TMTC2: variants seen among roughly 807,000 people sequenced by gnomAD.
The protein encoded by TMTC2 is transmembrane O-mannosyltransferase targeting cadherins 2, also known as protein O-mannosyl-transferase TMTC2.
Under a neutral mutation model 82.4 loss-of-function variants are expected in TMTC2, and 43 were observed. The observed-to-expected ratio is 0.52, with a 90% CI of 0.41 to 0.67. The LOEUF (loss-of-function observed/expected upper bound fraction) is 0.67. Among genes scored for constraint, TMTC2 ranks in the 30% least tolerant of loss-of-function variants. TMTC2 has a pLI of 0.00. For missense variants in TMTC2, 919 were observed against 1,012.4 expected (o/e 0.91, Z 1.25); for synonymous variants, 408 against 381.9 (o/e 1.07, Z -0.80).
intron 1 of TMTC2, among the ~76,000 whole-genome samples, chr12:82,729,581 G>C (rs1343661056): frequency 6.6e-6 from 1 of 152,132 alleles, no homozygotes; most frequent in Non-Finnish European, 1.5e-5. Context: ...GAGAACTTTT[G>C]TGTCTAGCGC....
Position 83,030,894 on chromosome 12 carries a change from GT to G in TMTC2, c.2152+23del, listed in dbSNP as rs776842511. 30 of 1,592,724 alleles carry G rather than the reference GT, an allele frequency of 1.9e-5. No individual in the cohort carries two copies. The highest frequency in any genetic ancestry group is 2.2e-5 in the Non-Finnish European group (25 of 1,161,216). Reference sequence around the variant, plus strand: ...CATGCATTATGGTGAGTGGTTGATAGTTTTTTTTCCATGTCCCCCACATTTA... The same window carrying G: ...CATGCATTATGGTGAGTGGTTGATAGTTTTTTTCCATGTCCCCCACATTTA... On this transcript the variant is annotated intron_variant, in intron 9 of 11. Coordinates refer to ENST00000321196, the MANE Select transcript of TMTC2 (RefSeq NM_152588.3).
chr12:82,900,814 G>A (rs1363709192), intron 3 of TMTC2, among the ~76,000 whole-genome samples: 3 of 119,190 alleles, frequency 2.5e-5, no homozygotes, highest in South Asian at 2.7e-4. Flanking sequence ...TATATATATA[G>A]GAATATATAT....
chr12:83,043,411 G>A (rs1272208782), intron 9 of TMTC2, among the ~76,000 whole-genome samples: 1 of 152,156 alleles, frequency 6.6e-6, no homozygotes, highest in East Asian at 1.9e-4. Flanking sequence ...ACCACTAGAT[G>A]TGACTAAAAC....
At chr12:83,072,922 G>T (rs1169873801) in intron 11 of TMTC2, among the ~76,000 whole-genome samples, 1 of 152,150 alleles carries the variant, frequency 6.6e-6, no homozygotes, top group Non-Finnish European at 1.5e-5. Context: ...GCAGCAGATG[G>T]TTGGTGAGTT....
intron 1 of TMTC2, among the ~76,000 whole-genome samples, chr12:82,753,722 A>T (rs1592901660): frequency 6.6e-6 from 1 of 152,248 alleles, no homozygotes; most frequent in African/African-American, 2.4e-5. Flanking sequence ...ATTCTCTGGG[A>T]GGCCCAATTG....
At chr12:82,690,865 T>C (rs1447171076) in intron 1 of TMTC2, among the ~76,000 whole-genome samples, 1 of 152,220 alleles carries the variant, frequency 6.6e-6, no homozygotes. Flanking sequence ...AGGTCAGTGG[T>C]AAAACTTCTC....
intron 4 of TMTC2, among the ~76,000 whole-genome samples, chr12:82,957,245 A>G (rs1877663759): frequency 6.6e-6 from 1 of 152,182 alleles, no homozygotes; most frequent in Admixed American, 6.6e-5. Context: ...TCAAAACCAC[A>G]GTATTACATG....
chr12:82,774,715 T>C (rs943578650), intron 1 of TMTC2, among the ~76,000 whole-genome samples: 1 of 151,308 alleles, frequency 6.6e-6, no homozygotes, highest in Non-Finnish European at 1.5e-5. Context: ...GTATCTTAGA[T>C]GCCTGCCATG....
intron 9 of TMTC2, among the ~76,000 whole-genome samples, chr12:83,044,618 T>C (rs1311403971): frequency 6.6e-6 from 1 of 152,216 alleles, no homozygotes; most frequent in Non-Finnish European, 1.5e-5. Context: ...AAGGTATCAC[T>C]AGAGTTCAGA....
In TMTC2 at chr12:82,903,273, T is replaced by G. The variant is rs80205392; in HGVS notation, c.1483+6627T>G. On this transcript the variant is annotated intron_variant, in intron 3 of 11. Coordinates refer to ENST00000321196, the MANE Select transcript of TMTC2 (RefSeq NM_152588.3). ...CTGAGCATTCCCTATCCTCTTTCCA[T>G]GCTTCATTTTTATCTTAGCACTTAT... 1.1e-3 allele frequency among the ~76,000 whole-genome samples: 173 copies of G among 152,308 alleles called. 1 individual carries two copies. In the East Asian group the frequency reaches 0.018, roughly 16 times the overall value.
chr12:82,940,646 A>G (rs974948203), intron 4 of TMTC2, among the ~76,000 whole-genome samples: 1 of 150,414 alleles, frequency 6.6e-6, no homozygotes, highest in Non-Finnish European at 1.5e-5. Flanking sequence ...TGCACATACT[A>G]TTTGTGCTGC....
At chr12:82,912,334 C>A (rs375094655) in intron 3 of TMTC2, among the ~76,000 whole-genome samples, 1 of 152,090 alleles carries the variant, frequency 6.6e-6, no homozygotes, top group Non-Finnish European at 1.5e-5. Flanking sequence ...AACTTACAGT[C>A]GTTTAATATT....
intron 2 of TMTC2, among the ~76,000 whole-genome samples, chr12:82,893,397 A>G (rs887587569): frequency 1.3e-5 from 2 of 151,798 alleles, no homozygotes; most frequent in South Asian, 2.1e-4. Context: ...AAAGAAAAGA[A>G]AAGAAAAAAG....
intron 1 of TMTC2, among the ~76,000 whole-genome samples, chr12:82,805,499 T>C (rs1879200995): frequency 3.3e-5 from 3 of 90,420 alleles, no homozygotes; most frequent in Admixed American, 1.1e-4. Context: ...TCTCCCCACT[T>C]TTTTTTTTTT....
chr12:82,857,568 T>G lies in TMTC2; in HGVS notation c.642T>G (p.Pro214=). Residue 214 remains proline (P), a synonymous_variant, in exon 2 of 12, where the codon CCT becomes CCG. Transcript: ENST00000321196. The part of the protein sequence containing the change: ...FHRLKIKQIL[P]TIYKRKNLSL... ...GGCTGAAAATAAAACAGATATTACC[T>G]ACCATTTACAAAGTAAGTGATTGTT... The G allele has an allele frequency of 6.2e-7, 1 of 1,604,484 alleles. No homozygotes were observed. The highest frequency in any genetic ancestry group is 2.2e-5 in the East Asian group (1 of 44,816).
rs867946036 is a variant in TMTC2, at chr12:82,768,003, T to C, written c.83+80334T>C. 9.8e-5 allele frequency among the ~76,000 whole-genome samples: 15 copies of C among 152,320 alleles called. 1 individual carries two copies. In the Middle Eastern group the frequency reaches 0.01, roughly 104 times the overall value. ...CGTTTCAAAAGTTTGTTTTTCTCCA[T>C]ATTACTTTGTGTTTTAAACTTACTT... On this transcript the variant is annotated intron_variant, in intron 1 of 11. Transcript: ENST00000321196.
chr12:83,014,362 A>G (rs1880582516), intron 8 of TMTC2, among the ~76,000 whole-genome samples: 1 of 152,002 alleles, frequency 6.6e-6, no homozygotes, highest in Admixed American at 6.6e-5. Context: ...TTGTTTTGAG[A>G]TGGAGTTTTG....
chr12:83,053,194 T>C (rs1315638352), intron 10 of TMTC2, among the ~76,000 whole-genome samples: 1 of 152,144 alleles, frequency 6.6e-6, no homozygotes, highest in Non-Finnish European at 1.5e-5. Context: ...TAATGTTACA[T>C]GTAAATTTTC....
At chr12:82,956,967 A>G (rs919093381) in intron 4 of TMTC2, among the ~76,000 whole-genome samples, 6 of 152,144 alleles carry the variant, frequency 3.9e-5, no homozygotes, top group Non-Finnish European at 8.8e-5. Flanking sequence ...TGACAATGTT[A>G]GACAGATCAT....
Sources: allele counts gnomAD v4.1 joint callset (sites outside exome capture counted in the v4.1 genomes callset), GRCh38; gene constraint gnomAD v4.1.1; transcripts MANE v1.5; gene names NCBI Gene and HGNC (gene_info 2026-07-23, HGNC 2026-07-21).